Variants in EXOC4 observed in about 807,000 individuals in gnomAD.
EXOC4 encodes exocyst complex component 4.
In EXOC4, 71 loss-of-function variants were observed where a neutral mutation model predicts 107.2. That is an observed-to-expected ratio of 0.66 (90% confidence interval 0.55 to 0.81). The LOEUF (loss-of-function observed/expected upper bound fraction) is 0.81. EXOC4 is among the 30% of genes least tolerant of loss of function. The probability of loss-of-function intolerance (pLI) is 0.00; values close to 1 mark genes in which losing one functional copy is unlikely to be tolerated. For synonymous variants in EXOC4, 456 were observed against 441.2 expected (o/e 1.03, Z -0.42); for missense variants, 1,108 against 1,189.6 (o/e 0.93, Z 1.01).
At chr7:133,534,191 G>C (rs1329868123) in intron 9 of EXOC4, among the ~76,000 whole-genome samples, 1 of 152,030 alleles carries the variant, frequency 6.6e-6, no homozygotes, top group Non-Finnish European at 1.5e-5. Flanking sequence ...TGTTTTTGTT[G>C]CCATTTTTGA....
At chr7:133,712,695 A>T (rs909497390) in intron 10 of EXOC4, among the ~76,000 whole-genome samples, 2 of 152,212 alleles carry the variant, frequency 1.3e-5, no homozygotes, top group Non-Finnish European at 2.9e-5. Context: ...GAAAGATAGA[A>T]ATAGCCCAAA....
chr7:133,724,696 G>A (rs1184218142), intron 10 of EXOC4, among the ~76,000 whole-genome samples: 2 of 152,242 alleles, frequency 1.3e-5, no homozygotes, highest in African/African-American at 2.4e-5. Context: ...GGCTCATTAA[G>A]AAAGGGATCT....
intron 10 of EXOC4, among the ~76,000 whole-genome samples, chr7:133,692,264 C>T (rs185234936): frequency 2.3e-3 from 348 of 152,276 alleles, no homozygotes; most frequent in Non-Finnish European, 4.2e-3. Flanking sequence ...CTGGCATACT[C>T]TCCAAATGTG....
At chr7:133,304,087 G>A (rs1346382984) in intron 3 of EXOC4, among the ~76,000 whole-genome samples, 1 of 152,178 alleles carries the variant, frequency 6.6e-6, no homozygotes, top group African/African-American at 2.4e-5. Flanking sequence ...ATCAAGTGTG[G>A]ATGTGCAGTG....
chr7:133,471,612 T>C (rs1798881062), intron 7 of EXOC4, among the ~76,000 whole-genome samples: 1 of 152,224 alleles, frequency 6.6e-6, no homozygotes, highest in Non-Finnish European at 1.5e-5. Context: ...TTATTTGTAT[T>C]GTAGATTTTT....
At chr7:133,705,763 A>G (rs1310250529) in intron 10 of EXOC4, among the ~76,000 whole-genome samples, 2 of 152,234 alleles carry the variant, frequency 1.3e-5, no homozygotes, top group African/African-American at 2.4e-5. Flanking sequence ...GCACGGATAC[A>G]CTAGACAAAG....
chr7:133,734,621 A>G (rs1300362719), intron 10 of EXOC4, among the ~76,000 whole-genome samples: 6 of 152,090 alleles, frequency 3.9e-5, no homozygotes, highest in African/African-American at 1.4e-4. Flanking sequence ...CTGATTTTGA[A>G]TTAGAAAATT....
At chr7:133,412,809 G>A (rs1797392799) in intron 7 of EXOC4, among the ~76,000 whole-genome samples, 1 of 152,098 alleles carries the variant, frequency 6.6e-6, no homozygotes, top group African/African-American at 2.4e-5. Flanking sequence ...AATGAAGTTT[G>A]AGGTTTTCTT....
rs563583385 is a variant in EXOC4 at position 133,725,438 on chromosome 7, C to A, written c.1515-91887C>A. 9.9e-5 allele frequency among the ~76,000 whole-genome samples: 15 copies of A among 152,266 alleles called. No individual in the cohort carries two copies. The South Asian group carries it at 2.9e-3, about 29-fold the overall frequency. ...TCACCCAGGCTGGAGTACAATGGCGCGATCTCAGCTCACTGAAACCTCCGC... is the reference window on the plus strand; with the variant it reads ...TCACCCAGGCTGGAGTACAATGGCGAGATCTCAGCTCACTGAAACCTCCGC... On this transcript the variant is annotated intron_variant, in intron 10 of 17. Coordinates refer to ENST00000253861, the MANE Select transcript of EXOC4 (RefSeq NM_021807.4).
chr7:133,820,098 A>C (rs1585173110), intron 11 of EXOC4, among the ~76,000 whole-genome samples: 1 of 150,668 alleles, frequency 6.6e-6, no homozygotes, highest in Non-Finnish European at 1.5e-5. Context: ...TGAGGCTAAG[A>C]CCATTCAAGC....
intron 7 of EXOC4, among the ~76,000 whole-genome samples, chr7:133,389,972 C>G (rs1796816218): frequency 6.6e-6 from 1 of 151,756 alleles, no homozygotes; most frequent in South Asian, 2.1e-4. Flanking sequence ...TTATCACTAT[C>G]ATGAGAACAG....
intron 14 of EXOC4, among the ~76,000 whole-genome samples, chr7:133,955,050 C>T (rs909807353): frequency 3.9e-5 from 6 of 152,202 alleles, no homozygotes; most frequent in African/African-American, 7.2e-5. Flanking sequence ...CCCAAGGGGC[C>T]GCAGCTCTTC....
chr7:133,804,163 G>A (rs1161034521), intron 10 of EXOC4, among the ~76,000 whole-genome samples: 4 of 152,150 alleles, frequency 2.6e-5, no homozygotes, highest in Non-Finnish European at 5.9e-5. Flanking sequence ...GAATACCGTT[G>A]CAAGATAATT....
At chr7:133,876,686 A>G (rs2116423216) in intron 11 of EXOC4, among the ~76,000 whole-genome samples, 1 of 152,178 alleles carries the variant, frequency 6.6e-6, no homozygotes, top group Non-Finnish European at 1.5e-5. Context: ...GTGTCTGCCA[A>G]GTCTTCATCG....
intron 11 of EXOC4, among the ~76,000 whole-genome samples, chr7:133,850,349 G>A (rs758932060): frequency 5.3e-5 from 8 of 152,206 alleles, no homozygotes; most frequent in Non-Finnish European, 1.0e-4. Context: ...CCAGCTCTGT[G>A]GGATGTTAAT....
At chr7:133,420,127 C>G (rs1282355369) in intron 7 of EXOC4, among the ~76,000 whole-genome samples, 5 of 131,030 alleles carry the variant, frequency 3.8e-5, no homozygotes, top group Admixed American at 3.2e-4. Context: ...CCCCTCCCCC[C>G]ACCCCACCAC....
chr7:133,372,093 T>C (rs187223782), intron 6 of EXOC4, among the ~76,000 whole-genome samples: 1 of 152,332 alleles, frequency 6.6e-6, no homozygotes, highest in East Asian at 1.9e-4. Context: ...CTTTTTATTA[T>C]GAGTGTAAGA....
chr7:134,098,887 T>C, the EXOC4 span, among the ~76,000 whole-genome samples: 1 of 152,100 alleles, frequency 6.6e-6, no homozygotes, highest in South Asian at 2.1e-4. Flanking sequence ...TTTTGTGCCA[T>C]CAAGTATGGT....
chr7:133,779,464 A>C (rs1302167636), intron 10 of EXOC4, among the ~76,000 whole-genome samples: 1 of 152,184 alleles, frequency 6.6e-6, no homozygotes, highest in Non-Finnish European at 1.5e-5. Context: ...TTCTTACTTC[A>C]AGTAGGCCTT....
Sources: allele counts gnomAD v4.1 joint callset (sites outside exome capture counted in the v4.1 genomes callset), GRCh38; gene constraint gnomAD v4.1.1; transcripts MANE v1.5; gene names NCBI Gene and HGNC (gene_info 2026-07-23, HGNC 2026-07-21).